LOC128462377: variants seen among roughly 807,000 people sequenced by gnomAD.
At chr16:89,323,413 G>A in the LOC128462377 span, 1 of 1,151,252 alleles carries the variant, frequency 8.7e-7, no homozygotes, top group Non-Finnish European at 1.1e-6. Flanking sequence ...CCAGGGCAGG[G>A]GGGCTGAGCC....
chr16:89,348,381 T>A, the LOC128462377 span, among the ~76,000 whole-genome samples: 1 of 152,224 alleles, frequency 6.6e-6, no homozygotes, highest in Admixed American at 6.5e-5. Flanking sequence ...GGTATCGCTA[T>A]CCTTTCTATC....
At chr16:89,339,681 G>A in the LOC128462377 span, among the ~76,000 whole-genome samples, 2 of 152,210 alleles carry the variant, frequency 1.3e-5, no homozygotes. Flanking sequence ...AGAAAAGGAT[G>A]AAGGAGAATA....
chr16:89,412,801 A>C, the LOC128462377 span, among the ~76,000 whole-genome samples: 1 of 152,162 alleles, frequency 6.6e-6, no homozygotes. Flanking sequence ...AACAAAAGAA[A>C]TACAGTAACC....
chr16:89,366,689 G>C, the LOC128462377 span, among the ~76,000 whole-genome samples: 1 of 152,208 alleles, frequency 6.6e-6, no homozygotes. Context: ...TGTCTAGACA[G>C]AGGTGCGGCA....
the LOC128462377 span, among the ~76,000 whole-genome samples, chr16:89,365,135 T>C: frequency 6.6e-6 from 1 of 152,238 alleles, no homozygotes; most frequent in East Asian, 1.9e-4. Context: ...CCATGTTTGC[T>C]TTCCTTTTTA....
At chr16:89,329,391 G>GA in the LOC128462377 span, among the ~76,000 whole-genome samples, 2 of 151,664 alleles carry the variant, frequency 1.3e-5, no homozygotes, top group African/African-American at 4.8e-5. Flanking sequence ...TGATTTCACA[G>GA]AAAAAAGGAA....
chr16:89,375,533 C>T, the LOC128462377 span, among the ~76,000 whole-genome samples: 2 of 151,952 alleles, frequency 1.3e-5, no homozygotes, highest in Non-Finnish European at 2.9e-5. Flanking sequence ...GATCTTGGCT[C>T]GCTGCAACCT....
chr16:89,351,141 G>A, the LOC128462377 span, among the ~76,000 whole-genome samples: 3 of 152,230 alleles, frequency 2.0e-5, no homozygotes, highest in East Asian at 3.8e-4. Context: ...AGTGGACGAT[G>A]GCGGGCACAA....
chr16:89,376,327 C>T, the LOC128462377 span, among the ~76,000 whole-genome samples: 1 of 152,280 alleles, frequency 6.6e-6, no homozygotes, highest in African/African-American at 2.4e-5. Flanking sequence ...TTGGCTTTAA[C>T]AATGTCAAGA....
At chr16:89,389,625 C>A in the LOC128462377 span, among the ~76,000 whole-genome samples, 1 of 152,196 alleles carries the variant, frequency 6.6e-6, no homozygotes, top group Non-Finnish European at 1.5e-5. Flanking sequence ...CACAGAAGAA[C>A]AGGCATTCAG....
At chr16:89,318,533 G>A in the LOC128462377 span, among the ~76,000 whole-genome samples, 1 of 150,936 alleles carries the variant, frequency 6.6e-6, no homozygotes, top group Non-Finnish European at 1.5e-5. Context: ...CATGCACGAA[G>A]TATGGCTTTT....
the LOC128462377 span, among the ~76,000 whole-genome samples, chr16:89,397,070 T>G: frequency 2.9e-4 from 44 of 152,310 alleles, no homozygotes; most frequent in African/African-American, 1.0e-3. Context: ...ATGGGCTTAT[T>G]ATTCCTGTTG....
the LOC128462377 span, chr16:89,403,772 A>C: frequency 6.6e-6 from 1 of 152,276 alleles, no homozygotes; most frequent in East Asian, 1.9e-4. Flanking sequence ...TAAAAAAGTA[A>C]AAATAAAAAA....
chr16:89,332,597 A>C, the LOC128462377 span, among the ~76,000 whole-genome samples: 2 of 152,248 alleles, frequency 1.3e-5, no homozygotes, highest in African/African-American at 4.8e-5. Flanking sequence ...GGATTAAATG[A>C]AAAAGCACTA....
chr16:89,330,866 TA>T, the LOC128462377 span, among the ~76,000 whole-genome samples: 1 of 152,160 alleles, frequency 6.6e-6, no homozygotes, highest in East Asian at 1.9e-4. Context: ...GGCTTTTGAT[TA>T]AAACCTGGTA....
chr16:89,327,923 G>A, the LOC128462377 span, among the ~76,000 whole-genome samples: 1 of 152,186 alleles, frequency 6.6e-6, no homozygotes, highest in Non-Finnish European at 1.5e-5. Context: ...CTCTTTGAAA[G>A]ACCTAGTTTA....
chr16:89,331,674 G>A, the LOC128462377 span, among the ~76,000 whole-genome samples: 1 of 152,174 alleles, frequency 6.6e-6, no homozygotes, highest in Non-Finnish European at 1.5e-5. Flanking sequence ...AGGCTGCAGT[G>A]TAATTAAATA....
At chr16:89,390,672 G>A in the LOC128462377 span, among the ~76,000 whole-genome samples, 7 of 152,238 alleles carry the variant, frequency 4.6e-5, no homozygotes, top group East Asian at 1.9e-4. Flanking sequence ...CAAAAGGGAC[G>A]ACAGGTTCTC....
the LOC128462377 span, chr16:89,324,525 G>A: frequency 2.2e-6 from 1 of 456,170 alleles, no homozygotes; most frequent in East Asian, 6.9e-5. Flanking sequence ...TGCCAAAGGA[G>A]ATTCACATTG....
Sources: gnomAD v4.1 joint callset for allele counts (sites outside exome capture counted in the v4.1 genomes callset) on GRCh38, gnomAD v4.1.1 for gene constraint, MANE v1.5 for transcripts.